Variants in SLIT1 observed in about 807,000 individuals in gnomAD.
The protein encoded by SLIT1 is slit homolog 1 protein.
SLIT1 carries 66 observed loss-of-function variants against 186.1 expected under a neutral mutation model. The ratio of observed to expected loss-of-function variants is 0.35; its 90% CI spans 0.29 to 0.44. The LOEUF is 0.44. Among genes scored for constraint, SLIT1 ranks in the 20% least tolerant of loss-of-function variants. The pLI, the probability that SLIT1 is intolerant of heterozygous loss-of-function variation, is 1.00. For missense variants in SLIT1, 1,638 were observed against 2,037.4 expected, an observed-to-expected ratio of 0.80 and a Z score of 3.77; for synonymous variants, 761 against 833.8, an observed-to-expected ratio of 0.91 and a Z score of 1.50.
intron 36 of SLIT1, 82 bp downstream of exon 36, chr10:97,002,076 C>T (rs540677943): frequency 2.7e-5 from 25 of 935,986 alleles, no homozygotes; most frequent in Middle Eastern, 3.5e-4. Flanking sequence ...GAAGGGCTGC[C>T]GAGACTGGGA....
chr10:97,024,546 T>C (rs1187805412), intron 25 of SLIT1, among the ~76,000 whole-genome samples: 2 of 152,216 alleles, frequency 1.3e-5, no homozygotes, highest in African/African-American at 2.4e-5. Flanking sequence ...CCATCCTGGC[T>C]AACGGGATGG....
rs984742107 is a variant in SLIT1, at chr10:97,129,183, C to T, written c.413+28635G>A. On this transcript the variant is annotated intron_variant, in intron 4 of 36. Transcript: ENST00000266058. ...TTGGGAGACCTAGGTGGGCGGATCACGTGAGGTCAGGAGTTCGAGACCAGC... is the reference window on the plus strand; with the variant it reads ...TTGGGAGACCTAGGTGGGCGGATCATGTGAGGTCAGGAGTTCGAGACCAGC... 5.3e-5 allele frequency among the ~76,000 whole-genome samples: 8 copies of T among 152,014 alleles called. No individual in the cohort carries two copies. In the East Asian group the frequency reaches 9.7e-4, roughly 18 times the overall value.
chr10:97,170,230 T>C (rs1379169804), intron 1 of SLIT1, among the ~76,000 whole-genome samples: 1 of 152,244 alleles, frequency 6.6e-6, no homozygotes, highest in African/African-American at 2.4e-5. Flanking sequence ...GGCTGTGTGA[T>C]CTTGGGCATG....
Position 97,063,446 on chromosome 10 carries a change from T to C in SLIT1, c.793+9A>G, listed in dbSNP as rs780579635. 2 of 1,612,234 alleles carry C rather than the reference T, an allele frequency of 1.2e-6. No homozygotes were observed. Among genetic ancestry groups the C allele is most frequent in the Non-Finnish European group, 1.7e-6 (2 of 1,179,866 alleles). On this transcript the variant is annotated intron_variant, in intron 8 of 36. Transcript: ENST00000266058. ...GACAGTTGAGAGCCCGGCAGGGGTCTGCACCCACCTGAGCAGCTGAACTCA... is the reference window on the plus strand; with the variant it reads ...GACAGTTGAGAGCCCGGCAGGGGTCCGCACCCACCTGAGCAGCTGAACTCA...
intron 18 of SLIT1, among the ~76,000 whole-genome samples, chr10:97,045,424 G>A (rs1848726229): frequency 6.6e-6 from 1 of 152,192 alleles, no homozygotes; most frequent in Non-Finnish European, 1.5e-5. Context: ...GTGCATGCTT[G>A]TATGTATGTA....
At chr10:97,163,276 G>T in intron 3 of SLIT1, 104 bp downstream of exon 3, 2 of 954,534 alleles carry the variant, frequency 2.1e-6, no homozygotes, top group South Asian at 1.4e-5. Context: ...TGGGCATGGG[G>T]TCCCCTCCCA....
chr10:97,034,655 G>A (rs983584751), intron 22 of SLIT1, 113 bp from the exon 23 acceptor site: 7 of 928,094 alleles, frequency 7.5e-6, no homozygotes, highest in East Asian at 2.5e-5. Flanking sequence ...AGCCAGGTTG[G>A]CCAGGGGTGG....
chr10:97,056,386 C>A lies in SLIT1; in HGVS notation c.1236G>T (p.Leu412=). ...QDLQNLSLLS[L]YDNKIQSLAK... is the part of the protein sequence containing the mutation. ...CGAGGCTCTGGATCTTGTTGTCATA[C>A]AGGGAGAGCAGTGAGAGGTTCTGCA... Residue 412 remains leucine (L), a synonymous_variant, in exon 13 of 37, where the codon CTG becomes CTT. Coordinates refer to ENST00000266058, the MANE Select transcript of SLIT1 (RefSeq NM_003061.3). 1 of 1,614,178 alleles carries A rather than the reference C, an allele frequency of 6.2e-7. No individual in the cohort carries two copies. Among genetic ancestry groups the A allele is most frequent in the South Asian group, 1.1e-5 (1 of 91,088 alleles).
At chr10:97,064,778 CTCCT>C in intron 6 of SLIT1, 23 bp downstream of exon 6, 1 of 1,577,804 alleles carries the variant, frequency 6.3e-7, no homozygotes, top group East Asian at 2.3e-5. Context: ...CTCCACACCC[CTCCT>C]TCCTTTTCCA....
Position 97,034,524 on chromosome 10 carries a change from C to G in SLIT1, c.2385G>C (p.Lys795Asn). The stretch of plus-strand genomic sequence containing the variant: ...AGGAGGAATTGCTTAAGGAACTGAT[C>G]TTGTTGTTGCTCAGGTCCCTGGAAA... ...YLQLVDLSNN[K>N]ISSLSNSSFT... The change falls in exon 23 of 37, where the codon AAG (lysine) becomes AAC (asparagine). Residue 795 changes from lysine to asparagine, a missense_variant. This residue lies in a region of SLIT1 where 1,245 missense variants were observed against 1,535.3 expected (regional missense o/e 0.81). Transcript: ENST00000266058. The G allele has an allele frequency of 6.2e-7, 1 of 1,613,656 alleles. No individual in the cohort carries two copies. The highest frequency in any genetic ancestry group is 8.5e-7 in the Non-Finnish European group (1 of 1,179,670).
At chr10:97,051,811 CAA>C (rs201020231) in intron 13 of SLIT1, among the ~76,000 whole-genome samples, 27 of 124,158 alleles carry the variant, frequency 2.2e-4, no homozygotes, top group African/African-American at 3.4e-4. Flanking sequence ...AACTCCATCT[CAA>C]AAAAAAAAAA....
At chr10:97,008,099 C>A (rs1395157409) in intron 31 of SLIT1, among the ~76,000 whole-genome samples, 2 of 151,782 alleles carry the variant, frequency 1.3e-5, no homozygotes, top group Non-Finnish European at 2.9e-5. Flanking sequence ...TAAAATGCAT[C>A]CAGAAGACAT....
intron 1 of SLIT1, among the ~76,000 whole-genome samples, chr10:97,166,569 G>GAGAAAGAAAGAAAGAAAGAAAGAA (rs1554854785): frequency 3.4e-5 from 2 of 58,962 alleles, no homozygotes; most frequent in South Asian, 5.6e-4. Flanking sequence ...GAGAGAGAGA[G>GAGAAAGAAAGAAAGAAAGAAAGAA]AGAAAGAAAG....
intron 4 of SLIT1, among the ~76,000 whole-genome samples, chr10:97,078,571 C>CCT (rs1295718053): frequency 1.3e-5 from 2 of 152,188 alleles, no homozygotes; most frequent in Non-Finnish European, 2.9e-5. Flanking sequence ...AAAGTTCAGC[C>CCT]CTGCCAAGGA....
At chr10:97,081,850 G>A (rs958499438) in intron 4 of SLIT1, among the ~76,000 whole-genome samples, 4 of 152,156 alleles carry the variant, frequency 2.6e-5, no homozygotes, top group Non-Finnish European at 4.4e-5. Context: ...GAATCCATCC[G>A]GCGGCTCTTC....
intron 4 of SLIT1, among the ~76,000 whole-genome samples, chr10:97,111,331 CAAT>C (rs1589397975): frequency 6.6e-6 from 1 of 152,130 alleles, no homozygotes; most frequent in Non-Finnish European, 1.5e-5. Flanking sequence ...AAATGAACAA[CAAT>C]AATAGCTGTA....
intron 4 of SLIT1, among the ~76,000 whole-genome samples, chr10:97,126,805 G>C (rs1465649085): frequency 6.6e-6 from 1 of 152,218 alleles, no homozygotes; most frequent in Non-Finnish European, 1.5e-5. Flanking sequence ...AAGCCCCTCA[G>C]TCCCATGTAT....
At chr10:97,172,756 A>C (rs1850206872) in intron 1 of SLIT1, among the ~76,000 whole-genome samples, 1 of 152,112 alleles carries the variant, frequency 6.6e-6, no homozygotes, top group Admixed American at 6.6e-5. Context: ...ATTTTATTTT[A>C]ATTAACCAGG....
At chr10:97,037,824 C>CAGGGAAGGCTGTCCCCAGCA in intron 21 of SLIT1, 58 bp from the exon 22 acceptor site, 1 of 1,440,104 alleles carries the variant, frequency 6.9e-7, no homozygotes, top group Non-Finnish European at 9.7e-7. Flanking sequence ...GTGCCCCATG[C>CAGGGAAGGCTGTCCCCAGCA]TGGGGACAGC....
Sources: gnomAD v4.1 joint callset for allele counts (sites outside exome capture counted in the v4.1 genomes callset) on GRCh38, gnomAD v4.1.1 for gene constraint, gnomAD v4.1.1 regional missense constraint, MANE v1.5 for transcripts, NCBI Gene and HGNC (gene_info 2026-07-23, HGNC 2026-07-21) for gene names.